C12orf50: variants seen among roughly 807,000 people sequenced by gnomAD.
C12orf50 encodes uncharacterized protein C12orf50.
A neutral mutation model predicts 61.6 loss-of-function variants in C12orf50; 35 were observed. The observed-to-expected ratio is 0.57, with a 90% confidence interval of 0.43 to 0.75. The LOEUF is 0.75. Among genes scored for constraint, C12orf50 ranks in the 30% least tolerant of loss-of-function variants. C12orf50 has a pLI of 0.00. For missense variants in C12orf50, 475 were observed against 488.5 expected (o/e 0.97, Z 0.26); for synonymous variants, 178 against 161.5 (o/e 1.10, Z -0.77).
chr12:88,002,758 T>C (rs1047261926), intron 3 of C12orf50, among the ~76,000 whole-genome samples: 7 of 151,738 alleles, frequency 4.6e-5, no homozygotes, highest in Non-Finnish European at 1.0e-4. Flanking sequence ...ATATGTTTCA[T>C]GTTCTGCTGT....
intron 12 of C12orf50, among the ~76,000 whole-genome samples, chr12:87,981,560 A>T (rs1335518900): frequency 6.6e-6 from 1 of 152,204 alleles, no homozygotes; most frequent in Non-Finnish European, 1.5e-5. Context: ...TGGTCAGTGG[A>T]TGCTGGCTCA....
At chr12:88,000,541 A>G (rs1356320192) in intron 3 of C12orf50, among the ~76,000 whole-genome samples, 3 of 151,832 alleles carry the variant, frequency 2.0e-5, no homozygotes, top group South Asian at 4.1e-4. Flanking sequence ...TTAAATTTCC[A>G]TATAAATTTT....
chr12:88,022,883 A>G (rs1339615165), intron 3 of C12orf50, among the ~76,000 whole-genome samples: 1 of 152,244 alleles, frequency 6.6e-6, no homozygotes, highest in Non-Finnish European at 1.5e-5. Flanking sequence ...AAAACATTCC[A>G]TGCTCATGGA....
rs539117938 is a variant in C12orf50 at position 88,025,380 on chromosome 12, G to A, written c.133+1108C>T. Among the ~76,000 whole-genome samples, 91 of 152,242 alleles carry A rather than the reference G, an allele frequency of 6.0e-4. 1 individual carries two copies. The South Asian group carries it at 0.011, about 18-fold the overall frequency. On this transcript the variant is annotated intron_variant, in intron 3 of 12. Transcript: ENST00000298699. ...CTTCTTATTAAAAGTTTCTCAGTTC[G>A]TAAGACATAAAGTCATCATCAAAGA...
At chr12:88,026,733 G>A in intron 2 of C12orf50, 125 bp from the exon 3 acceptor site, 1 of 1,353,188 alleles carries the variant, frequency 7.4e-7, no homozygotes, top group Admixed American at 2.3e-5. Flanking sequence ...GATCATGTGT[G>A]TCTTCCAGCT....
At chr12:88,006,998 A>G (rs1305642759) in intron 3 of C12orf50, among the ~76,000 whole-genome samples, 2 of 152,208 alleles carry the variant, frequency 1.3e-5, no homozygotes, top group Non-Finnish European at 2.9e-5. Context: ...CAATTTCTTA[A>G]CACTTGGAAA....
chr12:87,997,345 TA>T (rs1194847361), intron 4 of C12orf50, among the ~76,000 whole-genome samples: 4 of 152,090 alleles, frequency 2.6e-5, no homozygotes, highest in African/African-American at 9.7e-5. Flanking sequence ...GAAACATATA[TA>T]AAAAACATAG....
At chr12:88,011,911 TG>T (rs2032124493) in intron 3 of C12orf50, among the ~76,000 whole-genome samples, 1 of 152,224 alleles carries the variant, frequency 6.6e-6, no homozygotes, top group Non-Finnish European at 1.5e-5. Flanking sequence ...GGTAATATAC[TG>T]GAGTGGGCTC....
Position 87,994,826 on chromosome 12 carries a change from GT to G in C12orf50, c.482-84del. The G allele has an allele frequency of 3.6e-6, 3 of 835,406 alleles. No homozygotes were observed. The South Asian group carries it at 4.9e-5, about 14-fold the overall frequency. 51.7% of individuals were successfully genotyped at this position (835,406 alleles called of 1,614,324 possible). A position where few individuals can be genotyped will look rare whatever the true frequency, so the allele number is the denominator to read the frequency against. On this transcript the variant is annotated intron_variant, in intron 6 of 12. Coordinates refer to ENST00000298699, the MANE Select transcript of C12orf50 (RefSeq NM_152589.3). Reference sequence around the variant, plus strand: ...ATTTATGATAGAATGCATGATGAAAGTAAAAAAGCTTTAAAGTTAATGCAAG... The same window carrying G: ...ATTTATGATAGAATGCATGATGAAAGAAAAAAGCTTTAAAGTTAATGCAAG...
chr12:87,980,287 G>A lies in C12orf50; in HGVS notation c.*44C>T, dbSNP rs778351173. On this transcript the variant is annotated 3_prime_UTR_variant, in exon 13 of 13. Coordinates refer to ENST00000298699, the MANE Select transcript of C12orf50 (RefSeq NM_152589.3). ...CATTTTTGATTGTAAATCAGATGAT[G>A]TCTGGCAATTTTTTCTCATTTTTCT... 5.7e-6 allele frequency: 9 copies of A among 1,578,220 alleles called. No homozygotes were observed. In the East Asian group the frequency reaches 1.6e-4, roughly 27 times the overall value.
chr12:88,027,265 C>A (rs1329374207), intron 1 of C12orf50, among the ~76,000 whole-genome samples, 195 bp from the exon 2 acceptor site: 1 of 152,184 alleles, frequency 6.6e-6, no homozygotes, highest in Non-Finnish European at 1.5e-5. Flanking sequence ...ACAAGATAGT[C>A]TAATGGTTAC....
intron 7 of C12orf50, among the ~76,000 whole-genome samples, chr12:87,993,199 AC>A (rs1565743642): frequency 6.6e-6 from 1 of 152,194 alleles, no homozygotes; most frequent in Non-Finnish European, 1.5e-5. Flanking sequence ...CTAACTCCCA[AC>A]AAAGTAGGTA....
intron 3 of C12orf50, among the ~76,000 whole-genome samples, chr12:88,023,225 T>A (rs2136497525): frequency 6.6e-6 from 1 of 151,366 alleles, no homozygotes; most frequent in South Asian, 2.1e-4. Flanking sequence ...CCATCTAATC[T>A]TTGACAAAGG....
chr12:87,998,269 C>T, intron 3 of C12orf50, 79 bp from the exon 4 acceptor site: 1 of 1,068,196 alleles, frequency 9.4e-7, no homozygotes, highest in Non-Finnish European at 1.3e-6. Flanking sequence ...TCATTGCCCT[C>T]CTAATTAACT....
intron 3 of C12orf50, among the ~76,000 whole-genome samples, chr12:88,008,616 G>A (rs1204028073): frequency 6.6e-6 from 1 of 151,912 alleles, no homozygotes; most frequent in African/African-American, 2.4e-5. Context: ...GTTTGCTTAA[G>A]CATTTTTTAC....
intron 3 of C12orf50, among the ~76,000 whole-genome samples, chr12:88,007,756 C>T (rs2136456580): frequency 6.6e-6 from 1 of 152,104 alleles, no homozygotes; most frequent in African/African-American, 2.4e-5. Flanking sequence ...CATTAATTCA[C>T]CTAATGAAGA....
intron 12 of C12orf50, among the ~76,000 whole-genome samples, chr12:87,982,856 T>C (rs1391397055): frequency 6.6e-6 from 1 of 151,880 alleles, no homozygotes; most frequent in Non-Finnish European, 1.5e-5. Context: ...TACTGTTTAT[T>C]GTCCAGGAAA....
intron 3 of C12orf50, among the ~76,000 whole-genome samples, chr12:88,020,823 A>G (rs903078862): frequency 6.6e-6 from 1 of 151,982 alleles, no homozygotes. Flanking sequence ...AAAAAAATAC[A>G]TCATACCAAC....
chr12:87,992,404 G>T (rs2031166761), intron 7 of C12orf50, among the ~76,000 whole-genome samples: 1 of 151,996 alleles, frequency 6.6e-6, no homozygotes, highest in South Asian at 2.1e-4. Context: ...TCAACTGTGT[G>T]TATATATATA....
Sources: gnomAD v4.1 joint callset for allele counts (sites outside exome capture counted in the v4.1 genomes callset) on GRCh38, gnomAD v4.1.1 for gene constraint, MANE v1.5 for transcripts, NCBI Gene and HGNC (gene_info 2026-07-23, HGNC 2026-07-21) for gene names.